ZFAND3: variants seen among roughly 807,000 people sequenced by gnomAD.
ZFAND3 encodes zinc finger AN1-type containing 3.
ZFAND3 carries 10 observed loss-of-function variants against 29.6 expected under a neutral mutation model. The ratio of observed to expected loss-of-function variants is 0.34; its 90% CI spans 0.21 to 0.57. The LOEUF is 0.57. ZFAND3 is among the 20% of genes least tolerant of loss of function. ZFAND3 has a pLI of 0.86. For missense variants in ZFAND3, 230 were observed against 304.5 expected, an observed-to-expected ratio of 0.76 and a Z score of 1.82; for synonymous variants, 128 against 112.6, an observed-to-expected ratio of 1.14 and a Z score of -0.87.
intron 1 of ZFAND3, among the ~76,000 whole-genome samples, chr6:37,849,561 A>G (rs1420477472): frequency 6.6e-6 from 1 of 151,962 alleles, no homozygotes; most frequent in Non-Finnish European, 1.5e-5. Context: ...GGCACCCACC[A>G]CTATGCCTGG....
intron 2 of ZFAND3, among the ~76,000 whole-genome samples, chr6:38,040,370 T>G (rs930701300): frequency 6.6e-6 from 1 of 152,162 alleles, no homozygotes; most frequent in African/African-American, 2.4e-5. Context: ...TTATTTCACT[T>G]AATATTCTTA....
At chr6:37,879,777 T>A (rs1764857653) in intron 1 of ZFAND3, among the ~76,000 whole-genome samples, 1 of 152,204 alleles carries the variant, frequency 6.6e-6, no homozygotes, top group Non-Finnish European at 1.5e-5. Context: ...AAATACTGAA[T>A]AACACTTGAA....
intron 1 of ZFAND3, among the ~76,000 whole-genome samples, chr6:37,918,234 G>A (rs1266324723): frequency 1.3e-5 from 2 of 151,824 alleles, no homozygotes; most frequent in African/African-American, 2.4e-5. Flanking sequence ...CCACCACCAC[G>A]CTGGCTAATT....
chr6:37,873,591 G>T (rs1429731890), intron 1 of ZFAND3, among the ~76,000 whole-genome samples: 2 of 152,214 alleles, frequency 1.3e-5, no homozygotes, highest in Non-Finnish European at 2.9e-5. Flanking sequence ...TATGTAAATT[G>T]TCTGTTGACC....
At chr6:37,923,222 G>A (rs146565464) in intron 1 of ZFAND3, among the ~76,000 whole-genome samples, 17 of 152,276 alleles carry the variant, frequency 1.1e-4, no homozygotes, top group African/African-American at 3.4e-4. Context: ...GAGTAGCTGG[G>A]ACTACAGGTG....
chr6:37,822,914 G>T (rs2127363547), intron 1 of ZFAND3, among the ~76,000 whole-genome samples: 1 of 152,236 alleles, frequency 6.6e-6, no homozygotes, highest in Non-Finnish European at 1.5e-5. Context: ...TGTGAAGGGT[G>T]ATCACAATCT....
At chr6:38,142,381 T>G (rs1765976519) in intron 5 of ZFAND3, 1 of 470,836 alleles carries the variant, frequency 2.1e-6, no homozygotes, top group Non-Finnish European at 4.4e-6. Context: ...TCAGGGAGGC[T>G]AAACAGGCCA....
intron 2 of ZFAND3, among the ~76,000 whole-genome samples, chr6:38,028,827 G>GGTGAC (rs1417284435): frequency 5.6e-4 from 85 of 152,306 alleles, no homozygotes; most frequent in Non-Finnish European, 1.1e-3. Context: ...CTATTACAGA[G>GGTGAC]TATAGCTAGG....
At chr6:38,087,284 A>C (rs776303904) in intron 4 of ZFAND3, among the ~76,000 whole-genome samples, 1 of 152,142 alleles carries the variant, frequency 6.6e-6, no homozygotes, top group Non-Finnish European at 1.5e-5. Flanking sequence ...TCTGGGCAAA[A>C]ATTTCTTGAG....
chr6:37,910,554 T>A (rs917267290), intron 1 of ZFAND3, among the ~76,000 whole-genome samples: 1 of 152,222 alleles, frequency 6.6e-6, no homozygotes, highest in African/African-American at 2.4e-5. Context: ...TTGTAATGGC[T>A]AAATCAAGCT....
At chr6:38,013,112 C>T (rs1353592581) in intron 2 of ZFAND3, among the ~76,000 whole-genome samples, 1 of 152,162 alleles carries the variant, frequency 6.6e-6, no homozygotes, top group Non-Finnish European at 1.5e-5. Context: ...CCTCTGTGTG[C>T]CAGACACTGT....
intron 1 of ZFAND3, among the ~76,000 whole-genome samples, chr6:37,859,544 T>C (rs966899232): frequency 2.0e-5 from 3 of 152,220 alleles, no homozygotes; most frequent in South Asian, 2.1e-4. Flanking sequence ...TCTGATCTTA[T>C]GGTCTATTTT....
chr6:38,042,423 C>T (rs1025826823), intron 2 of ZFAND3, among the ~76,000 whole-genome samples: 1 of 151,520 alleles, frequency 6.6e-6, no homozygotes, highest in Non-Finnish European at 1.5e-5. Flanking sequence ...AAGCAATTCT[C>T]CTGCTTCAGC....
intron 3 of ZFAND3, among the ~76,000 whole-genome samples, chr6:38,078,515 TTGGCTAA>T (rs1345910627): frequency 6.6e-6 from 1 of 152,252 alleles, no homozygotes; most frequent in Non-Finnish European, 1.5e-5. Flanking sequence ...TTTATGATGA[TTGGCTAA>T]AAGTTATTTC....
intron 5 of ZFAND3, among the ~76,000 whole-genome samples, chr6:38,129,545 A>G (rs1765703571): frequency 6.6e-6 from 1 of 152,198 alleles, no homozygotes; most frequent in African/African-American, 2.4e-5. Flanking sequence ...ACATGTGGCT[A>G]GCCAATTATC....
chr6:38,026,359 G>A lies in ZFAND3; in HGVS notation c.113-35234G>A, dbSNP rs1227948384. ...TAAGGTCTCAGAGGATGATTACTTAGCCTTGACATTCTACATTACATTATG... is the reference window on the plus strand; with the variant it reads ...TAAGGTCTCAGAGGATGATTACTTAACCTTGACATTCTACATTACATTATG... On this transcript the variant is annotated intron_variant, in intron 2 of 5. Transcript: ENST00000287218. 2.7e-5 allele frequency among the ~76,000 whole-genome samples: 4 copies of A among 150,120 alleles called. No individual in the cohort carries two copies. In the South Asian group the frequency reaches 6.3e-4, roughly 24 times the overall value.
chr6:37,891,059 G>A (rs1765087935), intron 1 of ZFAND3, among the ~76,000 whole-genome samples: 1 of 152,126 alleles, frequency 6.6e-6, no homozygotes, highest in South Asian at 2.1e-4. Flanking sequence ...AACCCTGTAT[G>A]TTTTAGCTAT....
At chr6:37,841,370 AT>A (rs34970838) in intron 1 of ZFAND3, among the ~76,000 whole-genome samples, 48,712 of 152,054 alleles carry the variant, frequency 0.32, 8,237 homozygotes, top group Non-Finnish European at 0.38. Flanking sequence ...CTATCCATCT[AT>A]TAATCTTATT....
At chr6:38,085,370 A>G (rs1437964864) in intron 4 of ZFAND3, among the ~76,000 whole-genome samples, 2 of 152,166 alleles carry the variant, frequency 1.3e-5, no homozygotes, top group Non-Finnish European at 1.5e-5. Flanking sequence ...CTATCCATAC[A>G]AGGTTGGACC....
Sources: allele counts gnomAD v4.1 joint callset (sites outside exome capture counted in the v4.1 genomes callset), GRCh38; gene constraint gnomAD v4.1.1; transcripts MANE v1.5; gene names NCBI Gene and HGNC (gene_info 2026-07-23, HGNC 2026-07-21).